SUCLA2: variants seen among roughly 807,000 people sequenced by gnomAD.
The protein encoded by SUCLA2 is succinate--CoA ligase [ADP-forming] subunit beta, mitochondrial.
Under a neutral mutation model 54.8 loss-of-function variants are expected in SUCLA2, and 30 were observed. The observed-to-expected ratio is 0.55, with a 90% CI of 0.41 to 0.74. The LOEUF (loss-of-function observed/expected upper bound fraction) is 0.74, where lower values mean the gene tolerates loss of function less well. SUCLA2 is among the 30% of genes least tolerant of loss of function. The pLI is 0.00. For synonymous variants in SUCLA2, 172 were observed against 188.9 expected (o/e 0.91, Z 0.74); for missense variants, 476 against 562.9 (o/e 0.85, Z 1.56).
chr13:47,983,880 T>C (rs890614924), intron 4 of SUCLA2, among the ~76,000 whole-genome samples: 4 of 152,074 alleles, frequency 2.6e-5, no homozygotes, highest in Non-Finnish European at 1.5e-5. Context: ...AAAGTTAATA[T>C]TAAATTCTCA....
chr13:47,985,229 T>C (rs1287448442), intron 4 of SUCLA2, among the ~76,000 whole-genome samples: 3 of 152,220 alleles, frequency 2.0e-5, no homozygotes, highest in Non-Finnish European at 4.4e-5. Flanking sequence ...TATTCTTTTT[T>C]TTTCTCTTCA....
intron 6 of SUCLA2, 59 bp downstream of exon 6, chr13:47,968,536 A>G: frequency 6.3e-7 from 1 of 1,594,210 alleles, no homozygotes; most frequent in South Asian, 1.1e-5. Flanking sequence ...TAACTTCCTT[A>G]GGGAAGCATA....
intron 6 of SUCLA2, among the ~76,000 whole-genome samples, chr13:47,964,069 A>G (rs1477644820): frequency 6.6e-6 from 1 of 152,122 alleles, no homozygotes; most frequent in Non-Finnish European, 1.5e-5. Flanking sequence ...TAACCCAAAT[A>G]CCCTTCAAAG....
chr13:47,997,848 A>G (rs1052888939), intron 1 of SUCLA2, among the ~76,000 whole-genome samples: 2 of 152,232 alleles, frequency 1.3e-5, no homozygotes, highest in African/African-American at 2.4e-5. Flanking sequence ...TTTTGCCTCA[A>G]AATTAACTGG....
At chr13:47,959,918 C>A (rs1242340343) in intron 6 of SUCLA2, among the ~76,000 whole-genome samples, 1 of 152,148 alleles carries the variant, frequency 6.6e-6, no homozygotes, top group East Asian at 1.9e-4. Flanking sequence ...CATTGCTTCA[C>A]ACTATGTTAG....
At chr13:47,954,040 T>G in intron 8 of SUCLA2, 100 bp downstream of exon 8, 1 of 1,082,102 alleles carries the variant, frequency 9.2e-7, no homozygotes, top group Non-Finnish European at 1.2e-6. Flanking sequence ...AAAAGACATA[T>G]ATATGAATTC....
chr13:48,000,801 T>C (rs1260112807), intron 1 of SUCLA2: 3 of 1,026,464 alleles, frequency 2.9e-6, no homozygotes, highest in Non-Finnish European at 3.6e-6. Context: ...TTGAAGGGCA[T>C]TCCCCCCTGC....
chr13:47,983,102 G>A (rs1189694192), intron 4 of SUCLA2, among the ~76,000 whole-genome samples: 2 of 151,788 alleles, frequency 1.3e-5, no homozygotes. Flanking sequence ...CTTAGTATTA[G>A]AACTCCTTTC....
chr13:47,996,895 T>G lies in SUCLA2; in HGVS notation c.219A>C (p.Lys73Asn), dbSNP rs796052043. ...CATCTGGTGACTTTGCCACATATCCTTTGGGAACGGAGACACCAGCTTCTT... is the reference window on the plus strand; with the variant it reads ...CATCTGGTGACTTTGCCACATATCCGTTGGGAACGGAGACACCAGCTTCTT... ...LLQEAGVSVP[K>N]GYVAKSPDEA... The change falls in exon 2 of 11, where the codon AAA becomes AAC. Residue 73 changes from lysine (K) to asparagine (N), a missense_variant. By Grantham distance (94) the Lys-to-Asn change is moderately conservative (BLOSUM62 0). Coordinates refer to ENST00000646932, the MANE Select transcript of SUCLA2 (RefSeq NM_003850.3). The G allele has an allele frequency of 1.2e-6, 2 of 1,613,986 alleles. No homozygotes were observed. Among genetic ancestry groups the G allele is most frequent in the Non-Finnish European group, 1.7e-6 (2 of 1,179,916 alleles).
intron 6 of SUCLA2, among the ~76,000 whole-genome samples, chr13:47,958,525 A>T (rs555913882): frequency 5.3e-5 from 8 of 152,354 alleles, no homozygotes; most frequent in Non-Finnish European, 1.0e-4. Flanking sequence ...GCTTTAAAAT[A>T]GTTAGTAAAA....
chr13:47,948,255 A>G (rs1593476559), intron 10 of SUCLA2, among the ~76,000 whole-genome samples: 1 of 152,204 alleles, frequency 6.6e-6, no homozygotes, highest in Non-Finnish European at 1.5e-5. Flanking sequence ...GATCACAGAT[A>G]TAAGACGTTC....
chr13:47,967,948 A>G (rs1949932883), intron 6 of SUCLA2, among the ~76,000 whole-genome samples: 1 of 152,204 alleles, frequency 6.6e-6, no homozygotes, highest in South Asian at 2.1e-4. Flanking sequence ...ACAATCTCAG[A>G]AAAAGATTCA....
intron 5 of SUCLA2, chr13:47,972,012 A>G: frequency 2.5e-6 from 1 of 394,076 alleles, no homozygotes; most frequent in Non-Finnish European, 4.5e-6. Flanking sequence ...GCACTTCAGG[A>G]GGCCGATGAG....
chr13:47,996,007 G>C (rs1950187413), intron 2 of SUCLA2, among the ~76,000 whole-genome samples: 2 of 151,886 alleles, frequency 1.3e-5, no homozygotes, highest in Admixed American at 1.3e-4. Flanking sequence ...AAGATTTTGG[G>C]ATATATCAGT....
At chr13:47,986,283 G>A (rs574820503) in intron 4 of SUCLA2, among the ~76,000 whole-genome samples, 23 of 152,086 alleles carry the variant, frequency 1.5e-4, no homozygotes, top group South Asian at 8.3e-4. Flanking sequence ...CGTCCACCTC[G>A]GCCTCCCAAA....
In SUCLA2 at chr13:47,988,526, T is replaced by C. The variant is rs771702983; in HGVS notation, c.534+15A>G. The stretch of plus-strand genomic sequence containing the variant: ...ATAAATTTATCCCGTATGTATCATG[T>C]CTACAATTACTCACTTGAAATGACC... On this transcript the variant is annotated intron_variant, in intron 4 of 10. Coordinates refer to ENST00000646932, the MANE Select transcript of SUCLA2 (RefSeq NM_003850.3). The C allele has an allele frequency of 8.1e-6, 13 of 1,613,216 alleles. No homozygotes were observed. Among genetic ancestry groups the C allele is most frequent in the Non-Finnish European group, 1.1e-5 (13 of 1,179,584 alleles).
chr13:47,968,681 T>C lies in SUCLA2; in HGVS notation c.716A>G (p.Asn239Ser), dbSNP rs1472383185. 1 of 1,612,152 alleles carries C rather than the reference T, an allele frequency of 6.2e-7. No homozygotes were observed. Among genetic ancestry groups the C allele is most frequent in the Admixed American group, 1.7e-5 (1 of 60,018 alleles). ...PPNIVESAAE[N>S]MVKLYSLFLK... ...AAAAAGGCTGTAAAGCTTGACCATG[T>C]TTTCTGCTGCTGATTCCACAATATT... The change falls in exon 6 of 11, where the codon AAC (asparagine) becomes AGC (serine). Residue 239 changes from asparagine to serine, a missense_variant. Asn to Ser is a conservative substitution (Grantham distance 46). Coordinates refer to ENST00000646932, the MANE Select transcript of SUCLA2 (RefSeq NM_003850.3).
chr13:47,961,324 T>C (rs1366893017), intron 6 of SUCLA2, among the ~76,000 whole-genome samples: 4 of 152,182 alleles, frequency 2.6e-5, no homozygotes, highest in African/African-American at 7.2e-5. Flanking sequence ...CTATCTTTAT[T>C]ACATCTTATT....
chr13:47,963,852 A>C (rs1246458704), intron 6 of SUCLA2, among the ~76,000 whole-genome samples: 3 of 152,202 alleles, frequency 2.0e-5, no homozygotes, highest in Non-Finnish European at 4.4e-5. Flanking sequence ...CCACAAAAAG[A>C]AGCCAGGGTC....
Sources: gnomAD v4.1 joint callset for allele counts (sites outside exome capture counted in the v4.1 genomes callset) on GRCh38, gnomAD v4.1.1 for gene constraint, MANE v1.5 for transcripts, NCBI Gene and HGNC (gene_info 2026-07-23, HGNC 2026-07-21) for gene names.